PIK3C2G: variants seen among roughly 807,000 people sequenced by gnomAD.
The protein encoded by PIK3C2G is phosphatidylinositol 3-kinase C2 domain-containing subunit gamma.
Under a neutral mutation model 181.1 loss-of-function variants are expected in PIK3C2G, and 168 were observed. That is an observed-to-expected ratio of 0.93 (90% confidence interval 0.82 to 1.05). PIK3C2G has a LOEUF of 1.05. Among genes scored for constraint, PIK3C2G ranks in the 50% least tolerant of loss-of-function variants. PIK3C2G has a pLI of 0.00. For synonymous variants in PIK3C2G, 573 were observed against 592.2 expected (o/e 0.97, Z 0.47); for missense variants, 1,869 against 1,732.8 (o/e 1.08, Z -1.40).
At chr12:18,340,848 G>A (rs892538083) in intron 9 of PIK3C2G, among the ~76,000 whole-genome samples, 1 of 152,120 alleles carries the variant, frequency 6.6e-6, no homozygotes, top group Non-Finnish European at 1.5e-5. Context: ...ATTAAGGATG[G>A]TGCTGGTGCT....
chr12:18,353,303 C>T (rs1173132892), intron 11 of PIK3C2G, among the ~76,000 whole-genome samples: 1 of 151,698 alleles, frequency 6.6e-6, no homozygotes, highest in Non-Finnish European at 1.5e-5. Flanking sequence ...TTGATGGCCT[C>T]TAGGCACATG....
intron 19 of PIK3C2G, 80 bp downstream of exon 19, chr12:18,488,709 G>A: frequency 1.1e-6 from 1 of 894,846 alleles, no homozygotes; most frequent in Non-Finnish European, 1.5e-6. Context: ...TGTTTGCAAA[G>A]CAAATTCCTT....
At chr12:18,559,631 C>G (rs2136319543) in intron 26 of PIK3C2G, among the ~76,000 whole-genome samples, 1 of 150,990 alleles carries the variant, frequency 6.6e-6, no homozygotes, top group Non-Finnish European at 1.5e-5. Context: ...AAAAAAAGGT[C>G]TCTCTCACAC....
chr12:18,696,322 CTATATATATATA>C, the PIK3C2G span: 662 of 267,230 alleles, frequency 2.5e-3, 37 homozygotes, highest in African/African-American at 0.025. Flanking sequence ...TAAAAAGCCA[CTATATATATATA>C]TATATATATA....
chr12:18,627,200 C>T (rs960082309), intron 31 of PIK3C2G, among the ~76,000 whole-genome samples: 2 of 151,838 alleles, frequency 1.3e-5, no homozygotes, highest in African/African-American at 2.4e-5. Flanking sequence ...TTATATTCTT[C>T]TTCTCTATGA....
At chr12:18,548,753 A>G (rs1944573239) in intron 26 of PIK3C2G, among the ~76,000 whole-genome samples, 1 of 152,000 alleles carries the variant, frequency 6.6e-6, no homozygotes, top group African/African-American at 2.4e-5. Context: ...CTTGTTCTCC[A>G]TTGAAGCCTT....
At chr12:18,699,248 C>T in the PIK3C2G span, among the ~76,000 whole-genome samples, 2 of 152,136 alleles carry the variant, frequency 1.3e-5, no homozygotes, top group African/African-American at 2.4e-5. Flanking sequence ...ATAGAGCCTC[C>T]AAGTCTGATT....
intron 18 of PIK3C2G, among the ~76,000 whole-genome samples, chr12:18,484,875 A>C (rs747207143): frequency 1.3e-5 from 2 of 152,180 alleles, no homozygotes; most frequent in Non-Finnish European, 2.9e-5. Context: ...TTCTAAATAC[A>C]CTTGAAAAAG....
Position 18,298,415 on chromosome 12 carries a change from T to C in PIK3C2G, c.1034+4400T>C, listed in dbSNP as rs559120303. On this transcript the variant is annotated intron_variant, in intron 5 of 32. Coordinates refer to ENST00000538779, the MANE Select transcript of PIK3C2G (RefSeq NM_001288772.2). ...TTAGTTTGTGTGTTTTTTCTTTTTT[T>C]TTTTTTGCTGTTGAGTTTCTTTTAT... 6.6e-5 allele frequency among the ~76,000 whole-genome samples: 10 copies of C among 151,252 alleles called. No individual in the cohort carries two copies. In the East Asian group the frequency reaches 1.4e-3, roughly 20 times the overall value.
At chr12:18,597,759 A>G (rs542500918) in intron 30 of PIK3C2G, among the ~76,000 whole-genome samples, 1 of 152,012 alleles carries the variant, frequency 6.6e-6, no homozygotes, top group African/African-American at 2.4e-5. Flanking sequence ...CCATTGTCTC[A>G]GCCCAAAATC....
chr12:18,260,709 A>G (rs1230026150), upstream of PIK3C2G, among the ~76,000 whole-genome samples: 1 of 152,152 alleles, frequency 6.6e-6, no homozygotes, highest in Non-Finnish European at 1.5e-5. Context: ...CAACAACAAA[A>G]GGATCCTACG....
intron 31 of PIK3C2G, among the ~76,000 whole-genome samples, chr12:18,617,216 G>A (rs1948644303): frequency 6.6e-6 from 1 of 152,064 alleles, no homozygotes; most frequent in African/African-American, 2.4e-5. Flanking sequence ...ATTTGTAAGT[G>A]TGCATACAGA....
chr12:18,615,367 G>GTGTGTGTGTGTGTGTA (rs1163460591), intron 31 of PIK3C2G, among the ~76,000 whole-genome samples: 3 of 88,504 alleles, frequency 3.4e-5, no homozygotes, highest in African/African-American at 1.2e-4. Context: ...GTGTGTGTGT[G>GTGTGTGTGTGTGTGTA]TGTATGTGTA....
chr12:18,297,416 C>T (rs902573908), intron 5 of PIK3C2G, among the ~76,000 whole-genome samples: 1 of 151,918 alleles, frequency 6.6e-6, no homozygotes, highest in African/African-American at 2.4e-5. Context: ...CTTATTGATA[C>T]ATTGTAAATA....
intron 20 of PIK3C2G, among the ~76,000 whole-genome samples, chr12:18,494,391 T>TGTGTGTGGGTGGGTGTGG (rs1047055119): frequency 3.3e-5 from 5 of 152,066 alleles, no homozygotes; most frequent in African/African-American, 1.2e-4. Flanking sequence ...TTAATATGTG[T>TGTGTGTGGGTGGGTGTGG]GTGTGTGGGT....
chr12:18,720,176 A>T, the PIK3C2G span, among the ~76,000 whole-genome samples: 1 of 152,030 alleles, frequency 6.6e-6, no homozygotes, highest in African/African-American at 2.4e-5. Context: ...TTGTAGTTGC[A>T]TGTAGTTATA....
chr12:18,580,782 T>A (rs978253664), intron 29 of PIK3C2G, among the ~76,000 whole-genome samples: 1 of 152,222 alleles, frequency 6.6e-6, no homozygotes, highest in African/African-American at 2.4e-5. Context: ...AAATTACTGT[T>A]CAACTTTGAT....
intron 24 of PIK3C2G, among the ~76,000 whole-genome samples, chr12:18,522,037 C>G (rs1251407824): frequency 2.6e-5 from 4 of 152,218 alleles, no homozygotes; most frequent in Non-Finnish European, 4.4e-5. Context: ...CTGCACCATA[C>G]TGCTCTTCCT....
At chr12:18,413,203 G>A (rs944514207) in intron 16 of PIK3C2G, among the ~76,000 whole-genome samples, 16 of 152,144 alleles carry the variant, frequency 1.1e-4, no homozygotes, top group Middle Eastern at 3.4e-3. Flanking sequence ...TTATCTTAGC[G>A]ATGAGATCTT....
Sources: allele counts gnomAD v4.1 joint callset (sites outside exome capture counted in the v4.1 genomes callset), GRCh38; gene constraint gnomAD v4.1.1; transcripts MANE v1.5; gene names NCBI Gene and HGNC (gene_info 2026-07-23, HGNC 2026-07-21).